Variants in ZHX1 observed in about 807,000 individuals in gnomAD.
ZHX1 encodes zinc fingers and homeoboxes protein 1.
A neutral mutation model predicts 61.8 loss-of-function variants in ZHX1; 20 were observed. The ratio of observed to expected loss-of-function variants is 0.32; its 90% CI spans 0.23 to 0.47. The LOEUF is 0.47. Ranked by LOEUF, ZHX1 falls within the 20% of genes least tolerant of loss-of-function variation. The pLI is 1.00. For synonymous variants in ZHX1, 318 were observed against 352.6 expected, an observed-to-expected ratio of 0.90 and a Z score of 1.10; for missense variants, 800 against 1,034.8, an observed-to-expected ratio of 0.77 and a Z score of 3.11.
At chr8:123,270,424 A>G (rs1280376547) in intron 1 of ZHX1, among the ~76,000 whole-genome samples, 1 of 152,176 alleles carries the variant, frequency 6.6e-6, no homozygotes, top group Non-Finnish European at 1.5e-5. Flanking sequence ...TTGTTAAGAT[A>G]AATTCTGATA....
At chr8:123,257,017 C>G (rs1278448320) in intron 2 of ZHX1, 1 of 152,096 alleles carries the variant, frequency 6.6e-6, no homozygotes, top group African/African-American at 2.4e-5. Flanking sequence ...CTCCTGGGTT[C>G]AAATGATTCT....
chr8:123,254,632 C>T lies in ZHX1; in HGVS notation c.1315G>A (p.Glu439Lys). ...SQVPAAQPTA[E>K]TKPATAAVPT... is the part of the protein sequence containing the mutation. ...ACTGCTGCTGTTGCTGGCTTTGTTT[C>T]TGCAGTAGGCTGAGCAGCAGGTACC... Residue 439 changes from glutamate (E) to lysine (K), a missense_variant, in exon 3 of 4, where the codon GAA (glutamate) becomes AAA (lysine). Transcript: ENST00000395571. This position sits in a 1 kb window ranked among gnomAD's most constrained non-coding sequence, Gnocchi z 4.1. The T allele has an allele frequency of 6.2e-7, 1 of 1,614,154 alleles. No homozygotes were observed. Among genetic ancestry groups the T allele is most frequent in the Non-Finnish European group, 8.5e-7 (1 of 1,180,020 alleles).
Position 123,254,546 on chromosome 8 carries a change from A to C in ZHX1, c.1401T>G (p.Ile467Met). ...TALVNPDSFG[I>M]RAKKTKEQLA... ...GTTGCTCTTTTGTCTTTTTTGCCCGAATGCCAAATGAATCAGGGTTTACCA... is the reference window on the plus strand; with the variant it reads ...GTTGCTCTTTTGTCTTTTTTGCCCGCATGCCAAATGAATCAGGGTTTACCA... The change falls in exon 3 of 4, where the codon ATT (isoleucine) becomes ATG (methionine). Residue 467 changes from isoleucine (I) to methionine (M), a missense_variant. Ile to Met is a conservative substitution (Grantham distance 10). Transcript: ENST00000395571. The surrounding 1 kb of genome is among the most constrained non-coding windows in gnomAD (Gnocchi z 4.1). The C allele has an allele frequency of 6.2e-7, 1 of 1,613,888 alleles. No homozygotes were observed. The highest frequency in any genetic ancestry group is 8.5e-7 in the Non-Finnish European group (1 of 1,179,952).
chr8:123,273,017 G>A (rs1192763629), intron 1 of ZHX1, among the ~76,000 whole-genome samples: 1 of 151,592 alleles, frequency 6.6e-6, no homozygotes. Context: ...ACAGAAAAGG[G>A]CTGTGGAATT....
At chr8:123,273,115 G>A (rs1826710812) in intron 1 of ZHX1, among the ~76,000 whole-genome samples, 1 of 151,834 alleles carries the variant, frequency 6.6e-6, no homozygotes, top group African/African-American at 2.4e-5. Context: ...TCTCATTGAC[G>A]CCTTCCCAGC....
In ZHX1 at chr8:123,261,627, G is replaced by C. The variant is rs1466714584; in HGVS notation, c.-225-5456C>G. The stretch of plus-strand genomic sequence containing the variant: ...GAAAGATATCAGTACACTGCAGGAG[G>C]CTTCTAGAAAAGAAGCAGAGAAGGC... On this transcript the variant is annotated intron_variant, in intron 2 of 3. Transcript: ENST00000395571. Among the ~76,000 whole-genome samples, 3 of 152,254 alleles carry C rather than the reference G, an allele frequency of 2.0e-5. No homozygotes were observed. In the East Asian group the frequency reaches 5.8e-4, roughly 29 times the overall value.
Position 123,253,718 on chromosome 8 carries a change from T to A in ZHX1, c.2229A>T (p.Arg743Ser), listed in dbSNP as rs771757750. Residue 743 changes from arginine to serine, a missense_variant, in exon 3 of 4, where the codon AGA becomes AGT. Arg to Ser is a moderately radical substitution (Grantham distance 110, BLOSUM62 -1). Transcript: ENST00000395571. ...CCCGTCCTTTGGGTCTCCCTCTCCCTCTTTTCCTAAGGGAAGACAGACCAT... is the reference window on the plus strand; with the variant it reads ...CCCGTCCTTTGGGTCTCCCTCTCCCACTTTTCCTAAGGGAAGACAGACCAT... The part of the protein sequence containing the change: ...SMNGLSSLRK[R>S]GRGRPKGRGR... 7 of 1,614,206 alleles carry A rather than the reference T, an allele frequency of 4.3e-6. No homozygotes were observed. In the South Asian group the frequency reaches 7.7e-5, roughly 18 times the overall value.
chr8:123,265,084 G>A (rs1826412126), intron 2 of ZHX1, among the ~76,000 whole-genome samples: 1 of 150,916 alleles, frequency 6.6e-6, no homozygotes, highest in African/African-American at 2.4e-5. Context: ...AGCTACTCGG[G>A]AGGTTGAGGC....
At chr8:123,267,111 G>T (rs1243744437) in intron 2 of ZHX1, among the ~76,000 whole-genome samples, 162 bp downstream of exon 2, 3 of 152,066 alleles carry the variant, frequency 2.0e-5, no homozygotes, top group African/African-American at 7.2e-5. Context: ...TATACTTATA[G>T]CTCTTAAAAT....
upstream of ZHX1, among the ~76,000 whole-genome samples, chr8:123,274,844 T>G (rs1826792867): frequency 6.6e-6 from 1 of 152,036 alleles, no homozygotes. Context: ...CATGCTGGCT[T>G]CTACTGAAAC....
At chr8:123,252,001 A>T (rs1825933174) in intron 3 of ZHX1, among the ~76,000 whole-genome samples, 1 of 152,210 alleles carries the variant, frequency 6.6e-6, no homozygotes, top group Non-Finnish European at 1.5e-5. Context: ...CAGAGAGAAG[A>T]TGTAAGGGAA....
Position 123,253,306 on chromosome 8 carries a change from A to C in ZHX1, c.*3+16T>G. The stretch of plus-strand genomic sequence containing the variant: ...TTGATGAACATATACGCAGATTAAA[A>C]ATTTTCTTAACTTACATTTCAGTCA... On this transcript the variant is annotated intron_variant, in intron 3 of 3. Coordinates refer to ENST00000395571, the MANE Select transcript of ZHX1 (RefSeq NM_007222.5). 1 of 1,572,362 alleles carries C rather than the reference A, an allele frequency of 6.4e-7. No homozygotes were observed. Among genetic ancestry groups the C allele is most frequent in the African/African-American group, 1.4e-5 (1 of 73,522 alleles).
Position 123,267,397 on chromosome 8 carries a change from G to A in ZHX1, c.-339-11C>T. The A allele has an allele frequency of 1.2e-6, 1 of 858,488 alleles. No individual in the cohort carries two copies. Among genetic ancestry groups the A allele is most frequent in the East Asian group, 3.0e-5 (1 of 32,808 alleles). 53.2% of individuals were successfully genotyped at this position (858,488 alleles called of 1,614,324 possible). Reference sequence around the variant, plus strand: ...GCAGTCTGTCTTCTCCTACAAAAAAGTCATATTTTATTATTCTAGATATAA... The same window carrying A: ...GCAGTCTGTCTTCTCCTACAAAAAAATCATATTTTATTATTCTAGATATAA... On this transcript the variant is annotated splice_polypyrimidine_tract_variant and intron_variant, in intron 1 of 3. Transcript: ENST00000395571.
chr8:123,268,855 T>C (rs1826550805), intron 1 of ZHX1, among the ~76,000 whole-genome samples: 1 of 152,236 alleles, frequency 6.6e-6, no homozygotes, highest in South Asian at 2.1e-4. Flanking sequence ...GAAGAGTATT[T>C]TCCCAATTAA....
intron 1 of ZHX1, among the ~76,000 whole-genome samples, chr8:123,269,317 G>A (rs1362440957): frequency 2.0e-5 from 3 of 152,202 alleles, no homozygotes; most frequent in Admixed American, 6.5e-5. Flanking sequence ...GACATGTAAA[G>A]GCACCAGGAT....
At chr8:123,251,586 C>T (rs1825920365) in intron 3 of ZHX1, among the ~76,000 whole-genome samples, 1 of 152,074 alleles carries the variant, frequency 6.6e-6, no homozygotes, top group African/African-American at 2.4e-5. Flanking sequence ...GCAGAGGTTA[C>T]AACAACAACA....
At position 123,254,732 on chromosome 8, in the gene ZHX1, G is replaced by T. The variant is rs759246041; in HGVS notation, c.1215C>A (p.Asn405Lys). The change falls in exon 3 of 4, where the codon AAC becomes AAA. Residue 405 changes from asparagine (N) to lysine (K), a missense_variant. Asn to Lys is a moderately conservative substitution (Grantham distance 94, BLOSUM62 0). Coordinates refer to ENST00000395571, the MANE Select transcript of ZHX1 (RefSeq NM_007222.5). This position sits in a 1 kb window ranked among gnomAD's most constrained non-coding sequence, Gnocchi z 4.1. Reference protein sequence around the residue: ...GLVLTQVAGTNTLPVTAPIAL... With the variant: ...GLVLTQVAGTKTLPVTAPIAL... ...CTATAGGTGCTGTAACTGGCAAGGTGTTTGTTCCAGCCACTTGAGTAAGGA... is the reference window on the plus strand; with the variant it reads ...CTATAGGTGCTGTAACTGGCAAGGTTTTTGTTCCAGCCACTTGAGTAAGGA... 2 of 1,614,172 alleles carry T rather than the reference G, an allele frequency of 1.2e-6. No individual in the cohort carries two copies. Among genetic ancestry groups the T allele is most frequent in the Non-Finnish European group, 8.5e-7 (1 of 1,180,026 alleles).
intron 2 of ZHX1, among the ~76,000 whole-genome samples, chr8:123,258,502 G>C (rs1826146278): frequency 1.3e-5 from 2 of 152,160 alleles, no homozygotes; most frequent in African/African-American, 4.8e-5. Context: ...ACTCTGGATT[G>C]AGCCAAGGAA....
At chr8:123,259,496 G>A (rs1186311180) in intron 2 of ZHX1, among the ~76,000 whole-genome samples, 2 of 151,910 alleles carry the variant, frequency 1.3e-5, no homozygotes, top group African/African-American at 4.8e-5. Flanking sequence ...GTACACATCT[G>A]TAATCCAGCT....
Sources: gnomAD v4.1 joint callset for allele counts (sites outside exome capture counted in the v4.1 genomes callset) on GRCh38, gnomAD v4.1.1 for gene constraint, Gnocchi (gnomAD v3.1) non-coding constraint, MANE v1.5 for transcripts, NCBI Gene and HGNC (gene_info 2026-07-23, HGNC 2026-07-21) for gene names.